TMEM163: variants seen among roughly 807,000 people sequenced by gnomAD.
The protein encoded by TMEM163 is transmembrane protein 163.
A neutral mutation model predicts 29.3 loss-of-function variants in TMEM163; 17 were observed. The observed-to-expected ratio is 0.58, with a 90% CI of 0.40 to 0.87. The LOEUF (loss-of-function observed/expected upper bound fraction) is 0.87, where lower values mean the gene tolerates loss of function less well. Among genes scored for constraint, TMEM163 ranks in the 40% least tolerant of loss-of-function variants. The pLI is 0.00. For synonymous variants in TMEM163, 157 were observed against 160.6 expected, an observed-to-expected ratio of 0.98 and a Z score of 0.17; for missense variants, 303 against 381.5, an observed-to-expected ratio of 0.79 and a Z score of 1.71.
At chr2:134,638,757 T>C (rs905522597) in intron 2 of TMEM163, among the ~76,000 whole-genome samples, 1 of 152,144 alleles carries the variant, frequency 6.6e-6, no homozygotes, top group African/African-American at 2.4e-5. Context: ...CTACAGCGTT[T>C]CCAAGCCTGA....
chr2:134,684,618 G>A (rs1243927269), intron 2 of TMEM163, among the ~76,000 whole-genome samples: 2 of 152,262 alleles, frequency 1.3e-5, no homozygotes, highest in East Asian at 3.9e-4. Flanking sequence ...AGTGTTTTGG[G>A]AACACAGAGA....
At chr2:134,475,455 C>CA (rs1247423970) in intron 5 of TMEM163, among the ~76,000 whole-genome samples, 1 of 151,714 alleles carries the variant, frequency 6.6e-6, no homozygotes, top group Non-Finnish European at 1.5e-5. Flanking sequence ...TTTCCTATGA[C>CA]AAAAAACAAG....
chr2:134,477,410 A>C (rs947738656), intron 5 of TMEM163, among the ~76,000 whole-genome samples: 2 of 152,190 alleles, frequency 1.3e-5, no homozygotes, highest in African/African-American at 4.8e-5. Flanking sequence ...TATATACATG[A>C]TGTGCAGGGT....
chr2:134,528,126 A>G (rs985329518), intron 4 of TMEM163, among the ~76,000 whole-genome samples: 1 of 152,202 alleles, frequency 6.6e-6, no homozygotes, highest in Non-Finnish European at 1.5e-5. Context: ...CATTATCCCA[A>G]ATGGTGAAAG....
chr2:134,708,887 A>C (rs939075877), intron 2 of TMEM163, among the ~76,000 whole-genome samples: 1 of 152,220 alleles, frequency 6.6e-6, no homozygotes, highest in Non-Finnish European at 1.5e-5. Flanking sequence ...GCTCCCAGCC[A>C]GCTGCACCTA....
At chr2:134,597,258 G>A (rs368966741) in intron 2 of TMEM163, among the ~76,000 whole-genome samples, 1 of 152,188 alleles carries the variant, frequency 6.6e-6, no homozygotes, top group Non-Finnish European at 1.5e-5. Context: ...GTTTGTCATA[G>A]ATAGCTCTTA....
chr2:134,698,241 G>C (rs1324626358), intron 2 of TMEM163, among the ~76,000 whole-genome samples: 1 of 152,204 alleles, frequency 6.6e-6, no homozygotes. Context: ...AAGGGAGGGG[G>C]TGCAAAATCA....
chr2:134,688,921 G>A (rs549978882), intron 2 of TMEM163, among the ~76,000 whole-genome samples: 7 of 152,156 alleles, frequency 4.6e-5, no homozygotes, highest in African/African-American at 1.7e-4. Context: ...TGTACTCCAT[G>A]TGTAAAGCAC....
chr2:134,538,434 T>C lies in TMEM163; in HGVS notation c.458+12136A>G, dbSNP rs1228395431. Among the ~76,000 whole-genome samples the C allele has an allele frequency of 2.6e-5, 4 of 152,252 alleles. No homozygotes were observed. The East Asian group carries it at 5.8e-4, about 22-fold the overall frequency. On this transcript the variant is annotated intron_variant, in intron 4 of 7. Coordinates refer to ENST00000281924, the MANE Select transcript of TMEM163 (RefSeq NM_030923.5). ...TTACAGCAGCCCAAACAATGACACA[T>C]AGCAATTCCACTCCTAGCTCTATAC...
In TMEM163 at chr2:134,686,230, G is replaced by T. The variant is rs144938408; in HGVS notation, c.322+26970C>A. Among the ~76,000 whole-genome samples the T allele has an allele frequency of 2.1e-3, 321 of 152,330 alleles. 2 individuals are homozygous for T. The highest frequency in any genetic ancestry group is 7.0e-3 in the African/African-American group (292 of 41,562). The stretch of plus-strand genomic sequence containing the variant: ...CATAGCCACCTGGACTGCAGGAAAG[G>T]CTGGGGAAAAGAAAAGGTAAAAGCT... On this transcript the variant is annotated intron_variant, in intron 2 of 7. Transcript: ENST00000281924.
intron 5 of TMEM163, among the ~76,000 whole-genome samples, chr2:134,478,084 T>C (rs1411758958): frequency 6.6e-6 from 1 of 152,210 alleles, no homozygotes; most frequent in East Asian, 1.9e-4. Context: ...CTCTTGCTAC[T>C]GCTCTCACCG....
intron 2 of TMEM163, among the ~76,000 whole-genome samples, chr2:134,592,454 A>C (rs1681957993): frequency 6.6e-6 from 1 of 152,220 alleles, no homozygotes; most frequent in Admixed American, 6.5e-5. Flanking sequence ...CCTATCTGTC[A>C]AGTGATACTA....
At chr2:134,600,802 C>T (rs971874166) in intron 2 of TMEM163, among the ~76,000 whole-genome samples, 1 of 152,212 alleles carries the variant, frequency 6.6e-6, no homozygotes, top group Non-Finnish European at 1.5e-5. Context: ...CTAACCATGA[C>T]TGCAGCAGCT....
intron 2 of TMEM163, among the ~76,000 whole-genome samples, chr2:134,604,601 G>A (rs193161010): frequency 6.6e-5 from 10 of 152,188 alleles, no homozygotes; most frequent in Non-Finnish European, 1.0e-4. Context: ...AAAACCATGG[G>A]AATTGGAAAC....
intron 2 of TMEM163, among the ~76,000 whole-genome samples, chr2:134,710,494 C>T (rs1441884913): frequency 6.6e-6 from 1 of 152,142 alleles, no homozygotes; most frequent in East Asian, 1.9e-4. Flanking sequence ...TCCAAGACAA[C>T]TCCCTTAGCA....
intron 5 of TMEM163, among the ~76,000 whole-genome samples, chr2:134,499,015 T>G (rs683056): frequency 0.6 from 90,767 of 152,094 alleles, 28,681 homozygotes; most frequent in East Asian, 0.96. Context: ...GAGCAAAGGA[T>G]AAGCTTGCCA....
chr2:134,501,215 C>A (rs909476767), intron 5 of TMEM163, among the ~76,000 whole-genome samples: 1 of 152,150 alleles, frequency 6.6e-6, no homozygotes, highest in Non-Finnish European at 1.5e-5. Context: ...TAAGGACAGG[C>A]GCAACCATGG....
chr2:134,535,737 G>T (rs541160315), intron 4 of TMEM163, among the ~76,000 whole-genome samples: 2,538 of 137,582 alleles, frequency 0.018, 95 homozygotes, highest in African/African-American at 0.07. Context: ...TTGTTTGTTT[G>T]TTTTTTTTGA....
At chr2:134,718,244 G>A (rs954203296) in intron 1 of TMEM163, among the ~76,000 whole-genome samples, 1 of 152,232 alleles carries the variant, frequency 6.6e-6, no homozygotes, top group African/African-American at 2.4e-5. Context: ...CGCCGGGGCG[G>A]GCAGCCGGGC....
Sources: allele counts gnomAD v4.1 joint callset (sites outside exome capture counted in the v4.1 genomes callset), GRCh38; gene constraint gnomAD v4.1.1; transcripts MANE v1.5; gene names NCBI Gene and HGNC (gene_info 2026-07-23, HGNC 2026-07-21).